NR6A1: variants seen among roughly 807,000 people sequenced by gnomAD.
NR6A1 encodes nuclear receptor subfamily 6 group A member 1, also known as retinoic acid receptor-related testis-associated receptor.
Under a neutral mutation model 59.1 loss-of-function variants are expected in NR6A1, and 7 were observed. That is an observed-to-expected ratio of 0.12 (90% CI 0.07 to 0.22). The LOEUF is 0.22. Among genes scored for constraint, NR6A1 ranks in the 10% least tolerant of loss-of-function variants. The pLI is 1.00. For missense variants in NR6A1, 468 were observed against 611.6 expected (o/e 0.77, Z 2.48); for synonymous variants, 243 against 236.1 (o/e 1.03, Z -0.27).
intron 7 of NR6A1, among the ~76,000 whole-genome samples, chr9:124,532,615 A>C (rs1284478852): frequency 6.6e-6 from 1 of 152,202 alleles, no homozygotes; most frequent in Non-Finnish European, 1.5e-5. Flanking sequence ...GTTGAAGTTT[A>C]ACTGTTATTT....
intron 2 of NR6A1, among the ~76,000 whole-genome samples, chr9:124,688,685 A>C (rs1838421458): frequency 6.6e-6 from 1 of 152,236 alleles, no homozygotes; most frequent in Non-Finnish European, 1.5e-5. Context: ...CAGTGACAAG[A>C]CTAGATTGAG....
intron 2 of NR6A1, among the ~76,000 whole-genome samples, chr9:124,635,028 T>C (rs1182418596): frequency 6.6e-6 from 1 of 152,156 alleles, no homozygotes; most frequent in Non-Finnish European, 1.5e-5. Context: ...TAACTTACAA[T>C]AGGGTTCACT....
chr9:124,763,429 T>C (rs1299607217), intron 1 of NR6A1, among the ~76,000 whole-genome samples: 1 of 152,214 alleles, frequency 6.6e-6, no homozygotes, highest in African/African-American at 2.4e-5. Flanking sequence ...ACGATTAAAA[T>C]ATATTTAAGA....
At chr9:124,731,675 G>C (rs567843752) in intron 2 of NR6A1, among the ~76,000 whole-genome samples, 67 of 152,166 alleles carry the variant, frequency 4.4e-4, no homozygotes, top group Non-Finnish European at 8.1e-4. Flanking sequence ...CCTTAACGAT[G>C]ATTCACTTCT....
chr9:124,681,866 G>GT (rs1838172114), intron 2 of NR6A1, among the ~76,000 whole-genome samples: 1 of 151,892 alleles, frequency 6.6e-6, no homozygotes, highest in African/African-American at 2.4e-5. Flanking sequence ...ATCATGCTTG[G>GT]GTAAAAGATC....
At chr9:124,677,731 T>C (rs1205627174) in intron 2 of NR6A1, among the ~76,000 whole-genome samples, 5 of 152,180 alleles carry the variant, frequency 3.3e-5, no homozygotes, top group African/African-American at 4.8e-5. Flanking sequence ...CTCCAAAACA[T>C]ACTTATCATT....
intron 2 of NR6A1, among the ~76,000 whole-genome samples, chr9:124,564,063 G>A (rs1421652379): frequency 6.6e-6 from 1 of 152,058 alleles, no homozygotes; most frequent in East Asian, 1.9e-4. Flanking sequence ...GGATGACAAA[G>A]CAAGACGCTG....
intron 6 of NR6A1, among the ~76,000 whole-genome samples, chr9:124,537,655 T>TA (rs1416668078): frequency 6.6e-6 from 1 of 152,092 alleles, no homozygotes; most frequent in Non-Finnish European, 1.5e-5. Flanking sequence ...AGCCTGCACT[T>TA]AAAGTGGTCA....
chr9:124,702,225 T>G (rs1838981617), intron 2 of NR6A1, among the ~76,000 whole-genome samples: 1 of 152,170 alleles, frequency 6.6e-6, no homozygotes, highest in African/African-American at 2.4e-5. Flanking sequence ...CTTGATACAT[T>G]TGGTAGTTTT....
intron 1 of NR6A1, among the ~76,000 whole-genome samples, chr9:124,740,778 T>A (rs1399468787): frequency 6.6e-6 from 1 of 152,204 alleles, no homozygotes; most frequent in Admixed American, 6.5e-5. Flanking sequence ...CAGTTTCCCA[T>A]CTACCTTGTC....
intron 1 of NR6A1, among the ~76,000 whole-genome samples, chr9:124,765,049 G>A (rs60336485): frequency 0.017 from 2,514 of 152,282 alleles, 76 homozygotes; most frequent in East Asian, 0.15. Flanking sequence ...ACAAATTGAA[G>A]GGTGTAGAGT....
At chr9:124,714,763 TATC>T (rs1839367319) in intron 2 of NR6A1, among the ~76,000 whole-genome samples, 1 of 152,102 alleles carries the variant, frequency 6.6e-6, no homozygotes, top group Admixed American at 6.5e-5. Context: ...TTAAAAATAA[TATC>T]ATTTACTATA....
intron 1 of NR6A1, among the ~76,000 whole-genome samples, chr9:124,751,278 C>T (rs1176356994): frequency 1.3e-5 from 2 of 152,092 alleles, no homozygotes; most frequent in African/African-American, 2.4e-5. Context: ...CACAACTCAG[C>T]GAAGAAATCA....
At chr9:124,707,266 C>T (rs1163298194) in intron 2 of NR6A1, among the ~76,000 whole-genome samples, 1 of 152,154 alleles carries the variant, frequency 6.6e-6, no homozygotes, top group African/African-American at 2.4e-5. Context: ...TTCATCACCT[C>T]AAACCGGCTG....
At chr9:124,694,423 T>C (rs185015824) in intron 2 of NR6A1, among the ~76,000 whole-genome samples, 72 of 152,324 alleles carry the variant, frequency 4.7e-4, no homozygotes, top group African/African-American at 1.7e-3. Flanking sequence ...AATGGCTATA[T>C]AGTATGACTT....
intron 2 of NR6A1, among the ~76,000 whole-genome samples, chr9:124,600,529 T>C (rs1835417663): frequency 6.6e-6 from 1 of 152,214 alleles, no homozygotes. Flanking sequence ...CAAACACTCA[T>C]GGAGTGTCTC....
At chr9:124,709,391 A>G (rs1399351013) in intron 2 of NR6A1, among the ~76,000 whole-genome samples, 2 of 152,148 alleles carry the variant, frequency 1.3e-5, no homozygotes, top group Non-Finnish European at 2.9e-5. Flanking sequence ...GAACACAAAT[A>G]CTTTAGTTAG....
intron 3 of NR6A1, among the ~76,000 whole-genome samples, chr9:124,553,676 G>C (rs1349653824): frequency 6.9e-6 from 1 of 145,766 alleles, no homozygotes; most frequent in Non-Finnish European, 1.5e-5. Flanking sequence ...CCTATCAGAT[G>C]AGTTTCTTCA....
At chr9:124,588,955 A>C (rs114608588) in intron 2 of NR6A1, among the ~76,000 whole-genome samples, 5 of 151,190 alleles carry the variant, frequency 3.3e-5, no homozygotes, top group South Asian at 2.1e-4. Context: ...AAAACAGTAT[A>C]ATGTGATGGT....
Sources: allele counts gnomAD v4.1 joint callset (sites outside exome capture counted in the v4.1 genomes callset), GRCh38; gene constraint gnomAD v4.1.1; transcripts MANE v1.5; gene names NCBI Gene and HGNC (gene_info 2026-07-23, HGNC 2026-07-21).